BCR: variants seen among roughly 807,000 people sequenced by gnomAD.
BCR encodes the protein BCR activator of RhoGEF and GTPase.
BCR carries 58 observed loss-of-function variants against 138.6 expected under a neutral mutation model. That is an observed-to-expected ratio of 0.42 (90% CI 0.34 to 0.52). The LOEUF (loss-of-function observed/expected upper bound fraction) is 0.52, where lower values mean the gene tolerates loss of function less well. Among genes scored for constraint, BCR ranks in the 20% least tolerant of loss-of-function variants. The pLI is 0.06. For synonymous variants in BCR, 786 were observed against 730.1 expected (o/e 1.08, Z -1.23); for missense variants, 1,599 against 1,727.2 (o/e 0.93, Z 1.32).
At chr22:23,186,567 C>T (rs888290782) in intron 1 of BCR, among the ~76,000 whole-genome samples, 3 of 152,202 alleles carry the variant, frequency 2.0e-5, no homozygotes, top group Non-Finnish European at 2.9e-5. Flanking sequence ...GCCCCCAGCC[C>T]CTGGCACTGC....
chr22:23,268,754 G>A (rs565324930), intron 5 of BCR, among the ~76,000 whole-genome samples: 2 of 152,224 alleles, frequency 1.3e-5, no homozygotes, highest in Admixed American at 6.5e-5. Context: ...GGGGGTTGCC[G>A]AGTTCCGGGG....
At position 23,181,361 on chromosome 22, in the gene BCR, C is replaced by A. The variant is rs760937340; in HGVS notation, c.401C>A (p.Pro134His). ...GCCAGGCCCGGGACCGCCCGCAGGC[C>A]CGGGGCAGCCGCGTCGGGGGAACGG... ...GKARPGTARR[P>H]GAAASGERDD... Residue 134 changes from proline to histidine, a missense_variant, in exon 1 of 23, where the codon CCC (proline) becomes CAC (histidine). Pro to His is a moderately conservative substitution (Grantham distance 77, BLOSUM62 -2). Transcript: ENST00000305877. The A allele has an allele frequency of 8.6e-6, 13 of 1,519,702 alleles. No individual in the cohort carries two copies. Among genetic ancestry groups the A allele is most frequent in the Non-Finnish European group, 4.4e-6 (5 of 1,140,238 alleles). 94.1% of individuals were successfully genotyped at this position (1,519,702 alleles called of 1,614,324 possible).
At chr22:23,264,175 C>T (rs1568962244) in intron 4 of BCR, 17 of 1,354,110 alleles carry the variant, frequency 1.3e-5, no homozygotes, top group South Asian at 2.3e-5. Flanking sequence ...CACTTGCTTG[C>T]CACAGGTTCC....
chr22:23,212,616 T>A (rs1003101667), intron 1 of BCR, among the ~76,000 whole-genome samples: 2 of 152,218 alleles, frequency 1.3e-5, no homozygotes, highest in African/African-American at 4.8e-5. Flanking sequence ...AGTGCAGTGC[T>A]TGCTCTGGGG....
chr22:23,211,944 A>T (rs2072689445), intron 1 of BCR, among the ~76,000 whole-genome samples: 1 of 151,958 alleles, frequency 6.6e-6, no homozygotes, highest in African/African-American at 2.4e-5. Flanking sequence ...AGTGCCCCAG[A>T]ACAAAACCCC....
chr22:23,194,536 G>A (rs1333288519), intron 1 of BCR, among the ~76,000 whole-genome samples: 1 of 151,382 alleles, frequency 6.6e-6, no homozygotes, highest in Non-Finnish European at 1.5e-5. Context: ...TCAGCCTCCC[G>A]AGTAGCTGGA....
chr22:23,198,302 C>A, intron 1 of BCR: 3 of 442,208 alleles, frequency 6.8e-6, no homozygotes, highest in Non-Finnish European at 8.9e-6. Context: ...CGGGGCAGGG[C>A]CACATCTTTG....
At chr22:23,246,785 T>G (rs2073162437) in intron 1 of BCR, among the ~76,000 whole-genome samples, 1 of 152,174 alleles carries the variant, frequency 6.6e-6, no homozygotes, top group South Asian at 2.1e-4. Context: ...GCCCACTACT[T>G]CAAAGATTTG....
intron 1 of BCR, among the ~76,000 whole-genome samples, chr22:23,203,561 C>T (rs1433338456): frequency 6.6e-6 from 1 of 152,140 alleles, no homozygotes; most frequent in Non-Finnish European, 1.5e-5. Context: ...TGATGACCCT[C>T]GAAACAGTCC....
rs755352251 is a variant in BCR at position 23,271,541 on chromosome 22, G to A, written c.1870G>A (p.Ala624Thr). 6.2e-7 allele frequency: 1 copy of A among 1,614,070 alleles called. No individual in the cohort carries two copies. Among genetic ancestry groups the A allele is most frequent in the Non-Finnish European group, 8.5e-7 (1 of 1,180,008 alleles). The change falls in exon 6 of 23, where the codon GCC (alanine) becomes ACC (threonine). Residue 624 changes from alanine (A) to threonine (T), a missense_variant. Physicochemically the swap from Ala to Thr is moderately conservative, Grantham distance 58. Around this residue, in one of 4 missense-constraint regions of BCR, gnomAD observed 590 missense variants for 762.4 expected, o/e 0.77. Coordinates refer to ENST00000305877, the MANE Select transcript of BCR (RefSeq NM_004327.4). ...QFAEISENLR[A>T]RSNKDAKDPT... The stretch of plus-strand genomic sequence containing the variant: ...GCTTTTCTCTCTGCAGAACCTGAGA[G>A]CCAGAAGCAACAAAGATGCCAAGGA...
chr22:23,202,153 T>G (rs2072560094), intron 1 of BCR, among the ~76,000 whole-genome samples: 1 of 152,192 alleles, frequency 6.6e-6, no homozygotes, highest in African/African-American at 2.4e-5. Flanking sequence ...TTCGAGTGGT[T>G]CTTTATGCAG....
At chr22:23,225,784 T>G (rs2072884452) in intron 1 of BCR, among the ~76,000 whole-genome samples, 1 of 152,202 alleles carries the variant, frequency 6.6e-6, no homozygotes, top group Non-Finnish European at 1.5e-5. Flanking sequence ...CATCCAAGAC[T>G]CCTCCCTTTT....
intron 1 of BCR, among the ~76,000 whole-genome samples, chr22:23,209,444 T>C (rs1215914306): frequency 6.6e-6 from 1 of 152,236 alleles, no homozygotes; most frequent in East Asian, 1.9e-4. Flanking sequence ...TCTCTGCCAG[T>C]AGACACTTGG....
chr22:23,184,463 CT>C (rs929974530), intron 1 of BCR, among the ~76,000 whole-genome samples: 1 of 152,048 alleles, frequency 6.6e-6, no homozygotes, highest in South Asian at 2.1e-4. Flanking sequence ...GACAGTTTTT[CT>C]TTTTTAAGAC....
rs1179509307 is a variant in BCR at position 23,314,634 on chromosome 22, G to A, written c.3646G>A (p.Glu1216Lys). The change falls in exon 22 of 23, where the codon GAG (glutamate) becomes AAG (lysine). Residue 1216 changes from glutamate (E) to lysine (K), a missense_variant. Glu to Lys is a moderately conservative substitution (Grantham distance 56, BLOSUM62 1). Around this residue, in one of 4 missense-constraint regions of BCR, gnomAD observed 177 missense variants for 226.4 expected, o/e 0.78. Transcript: ENST00000305877. ...VFGPTLLRPS[E>K]KESKLPANPS... Reference sequence around the variant, plus strand: ...TGGCCCCACGCTGCTCCGGCCCTCCGAGAAGGAGAGCAAGCTCCCTGCCAA... The same window carrying A: ...TGGCCCCACGCTGCTCCGGCCCTCCAAGAAGGAGAGCAAGCTCCCTGCCAA... 12 of 1,611,806 alleles carry A rather than the reference G, an allele frequency of 7.4e-6. No individual in the cohort carries two copies. Among genetic ancestry groups the A allele is most frequent in the South Asian group, 3.3e-5 (3 of 90,978 alleles).
intron 1 of BCR, among the ~76,000 whole-genome samples, chr22:23,216,645 G>A (rs1459443347): frequency 1.3e-5 from 2 of 152,228 alleles, no homozygotes; most frequent in Admixed American, 6.5e-5. Context: ...CGATTTAATC[G>A]CAGTGCCATC....
At chr22:23,206,454 G>A (rs1333276425) in intron 1 of BCR, among the ~76,000 whole-genome samples, 2 of 151,948 alleles carry the variant, frequency 1.3e-5, no homozygotes. Context: ...GCGGGCACCT[G>A]TAATCCCAGC....
chr22:23,207,441 T>C (rs893233915), intron 1 of BCR, among the ~76,000 whole-genome samples: 2 of 151,644 alleles, frequency 1.3e-5, no homozygotes, highest in African/African-American at 4.8e-5. Context: ...CTAAGCAACA[T>C]AGCAAGACGC....
In BCR at chr22:23,263,973, C is replaced by T. The variant is rs2073404486; in HGVS notation, c.1752+2433C>T. On this transcript the variant is annotated intron_variant, in intron 4 of 22. Coordinates refer to ENST00000305877, the MANE Select transcript of BCR (RefSeq NM_004327.4). ...CCTCAACAGTGGGCAGCTGATGACACACTTGGACAGAGACTTTCCCCCAAG... is the reference window on the plus strand; with the variant it reads ...CCTCAACAGTGGGCAGCTGATGACATACTTGGACAGAGACTTTCCCCCAAG... 31 of 888,328 alleles carry T rather than the reference C, an allele frequency of 3.5e-5. 1 individual carries two copies. In the South Asian group the frequency reaches 3.9e-4, roughly 11 times the overall value. The allele number at this position is 888,328 out of a possible 1,614,324, so 55.0% of individuals were successfully genotyped here.
Sources: gnomAD v4.1 joint callset for allele counts (sites outside exome capture counted in the v4.1 genomes callset) on GRCh38, gnomAD v4.1.1 for gene constraint, gnomAD v4.1.1 regional missense constraint, MANE v1.5 for transcripts, NCBI Gene and HGNC (gene_info 2026-07-23, HGNC 2026-07-21) for gene names.